FAM217B: variants seen among roughly 807,000 people sequenced by gnomAD.
FAM217B encodes the protein protein FAM217B.
For missense variants in FAM217B, 463 were observed against 456.9 expected, an observed-to-expected ratio of 1.01 and a Z score of -0.12; for synonymous variants, 163 against 173.0, an observed-to-expected ratio of 0.94 and a Z score of 0.45.
In FAM217B at chr20:59,944,078, A is replaced by C. The variant is rs763882521; in HGVS notation, c.135A>C (p.Glu45Asp). ...TCACAGCTGTCACCCAGCCTACTGA[A>C]GAAAAACTTAAAGAAAGCATTTCCC... Reference protein sequence around the residue: ...SSLTAVTQPTEEKLKESISPE... With the variant: ...SSLTAVTQPTDEKLKESISPE... Residue 45 changes from glutamate (E) to aspartate (D), a missense_variant, in exon 4 of 4, where the codon GAA becomes GAC. Transcript: ENST00000360816. 6.2e-7 allele frequency: 1 copy of C among 1,614,224 alleles called. No homozygotes were observed. Among genetic ancestry groups the C allele is most frequent in the East Asian group, 2.2e-5 (1 of 44,886 alleles).
Position 59,948,240 on chromosome 20 carries a change from G to C in FAM217B, c.*3145G>C, listed in dbSNP as rs1423705093. ...ACTTGTAACTAACTTGAATAGGATA[G>C]ACTTCATACCCTGTGACAAAAAGGA... On this transcript the variant is annotated 3_prime_UTR_variant, in exon 4 of 4. Coordinates refer to ENST00000360816, the MANE Select transcript of FAM217B (RefSeq NM_022106.3). The C allele has an allele frequency of 6.0e-6, 1 of 167,022 alleles. No individual in the cohort carries two copies. Among genetic ancestry groups the C allele is most frequent in the Non-Finnish European group, 1.5e-5 (1 of 68,114 alleles). The allele number at this position is 167,022 out of a possible 1,614,324, so 10.3% of individuals were successfully genotyped here.
In FAM217B at chr20:59,945,040, G is replaced by C. The variant is rs200991373; in HGVS notation, c.1097G>C (p.Ser366Thr). The change falls in exon 4 of 4, where the codon AGT (serine) becomes ACT (threonine). Residue 366 changes from serine to threonine, a missense_variant. By Grantham distance (58) the Ser-to-Thr change is moderately conservative (BLOSUM62 1). Coordinates refer to ENST00000360816, the MANE Select transcript of FAM217B (RefSeq NM_022106.3). ...AGCTGTGGTCATGCCACTGTATCGA[G>C]TGAGAAAAAACTGAAAACAAACGGA... ...AESCGHATVS[S>T]EKKLKTNGVK... is the part of the protein sequence containing the mutation. 4.4e-6 allele frequency: 7 copies of C among 1,605,262 alleles called. No individual in the cohort carries two copies. In the East Asian group the frequency reaches 1.3e-4, roughly 31 times the overall value.
intron 1 of FAM217B, among the ~76,000 whole-genome samples, chr20:59,934,016 G>A (rs1468803949): frequency 2.0e-5 from 3 of 152,122 alleles, no homozygotes; most frequent in Non-Finnish European, 2.9e-5. Context: ...TGGAAGGGAC[G>A]GAAGCGCGGG....
chr20:59,941,577 A>T lies in FAM217B; in HGVS notation c.-202-621A>T, dbSNP rs117106821. 5.4e-3 allele frequency among the ~76,000 whole-genome samples: 816 copies of T among 152,018 alleles called. 5 individuals are homozygous for T. Among genetic ancestry groups the T allele is most frequent in the Admixed American group, 8.5e-3 (130 of 15,294 alleles). ...GGCCACTCAAAATGAGAGGGGAATAACAGCAATATGTGGTATAGGTCAACA... is the reference window on the plus strand; with the variant it reads ...GGCCACTCAAAATGAGAGGGGAATATCAGCAATATGTGGTATAGGTCAACA... On this transcript the variant is annotated intron_variant, in intron 1 of 3. Coordinates refer to ENST00000360816, the MANE Select transcript of FAM217B (RefSeq NM_022106.3).
At chr20:59,936,309 G>A (rs886863414), upstream of FAM217B, among the ~76,000 whole-genome samples, 1 of 152,106 alleles carries the variant, frequency 6.6e-6, no homozygotes, top group Admixed American at 6.5e-5. Flanking sequence ...TTTATTTTCA[G>A]CTAAGAAAAA....
At chr20:59,939,252 G>T (rs1290691086), upstream of FAM217B, 6 of 1,611,806 alleles carry the variant, frequency 3.7e-6, no homozygotes, top group East Asian at 1.1e-4. Flanking sequence ...CTCGGGGCCT[G>T]CGGGCCCGCG....
upstream of FAM217B, chr20:59,937,449 T>A (rs1186600922): frequency 1.3e-5 from 2 of 152,506 alleles, no homozygotes; most frequent in Non-Finnish European, 2.9e-5. Flanking sequence ...AAGAAAGCTA[T>A]CCTTGTTCTT....
intron 1 of FAM217B, among the ~76,000 whole-genome samples, chr20:59,941,216 G>C (rs947012602): frequency 6.6e-6 from 1 of 152,206 alleles, no homozygotes; most frequent in African/African-American, 2.4e-5. Context: ...GCAGTTTGGG[G>C]CCAGCCATTC....
At chr20:59,935,632 G>A (rs34213830), upstream of FAM217B, among the ~76,000 whole-genome samples, 256 of 152,334 alleles carry the variant, frequency 1.7e-3, 4 homozygotes, top group Non-Finnish European at 2.9e-3. Flanking sequence ...CAGGCGTGGT[G>A]GCATGTGCCT....
At chr20:59,940,605 C>T (rs977745400) in intron 1 of FAM217B, 70 bp downstream of exon 1, 6 of 152,438 alleles carry the variant, frequency 3.9e-5, no homozygotes, top group African/African-American at 1.4e-4. Context: ...TCTGCACAAA[C>T]GGAGGACAAG....
chr20:59,942,929 A>G (rs1223388985), intron 3 of FAM217B, among the ~76,000 whole-genome samples: 1 of 152,208 alleles, frequency 6.6e-6, no homozygotes, highest in Non-Finnish European at 1.5e-5. Flanking sequence ...ACTATTGGCA[A>G]TGATTTAATG....
chr20:59,944,528 T>A lies in FAM217B; in HGVS notation c.585T>A (p.Thr195=). Residue 195 remains threonine (T), a synonymous_variant, in exon 4 of 4, where the codon ACT becomes ACA. Transcript: ENST00000360816. The stretch of plus-strand genomic sequence containing the variant: ...AGCTTGAGTGGCTGCAAGTCCAGAC[T>A]GTACAGTGTGAAAAAGCAAAGGGGG... The part of the protein sequence containing the change: ...LIQLEWLQVQ[T]VQCEKAKGGK... 3.1e-6 allele frequency: 5 copies of A among 1,613,886 alleles called. No homozygotes were observed. Among genetic ancestry groups the A allele is most frequent in the Non-Finnish European group, 4.2e-6 (5 of 1,179,988 alleles).
At chr20:59,935,376 A>G (rs1353224846) in intron 1 of FAM217B, among the ~76,000 whole-genome samples, 1 of 152,218 alleles carries the variant, frequency 6.6e-6, no homozygotes, top group African/African-American at 2.4e-5. Flanking sequence ...TCCGTAAACT[A>G]CAACATGGAA....
At chr20:59,940,665 G>T in intron 1 of FAM217B, 130 bp downstream of exon 1, 1 of 152,560 alleles carries the variant, frequency 6.6e-6, no homozygotes, top group Non-Finnish European at 1.5e-5. Flanking sequence ...GATGGGGGGA[G>T]CGGTGGTGCA....
In FAM217B at chr20:59,944,894, G is replaced by A; in HGVS notation, c.951G>A (p.Val317=). The part of the protein sequence containing the change: ...DLSGSGSSSK[V]ETSGHIRVPK... The stretch of plus-strand genomic sequence containing the variant: ...CCGGCAGTGGAAGCAGCTCTAAGGT[G>A]GAAACCAGCGGTCACATTCGAGTTC... Residue 317 remains valine (V), a synonymous_variant, in exon 4 of 4, where the codon GTG becomes GTA. Coordinates refer to ENST00000360816, the MANE Select transcript of FAM217B (RefSeq NM_022106.3). 6.2e-7 allele frequency: 1 copy of A among 1,614,152 alleles called. No individual in the cohort carries two copies. Among genetic ancestry groups the A allele is most frequent in the Non-Finnish European group, 8.5e-7 (1 of 1,180,026 alleles).
upstream of FAM217B, chr20:59,939,787 G>A (rs1160278335): frequency 2.4e-6 from 3 of 1,226,288 alleles, no homozygotes; most frequent in Non-Finnish European, 3.0e-6. Context: ...GGCGGCGCGC[G>A]GCCCGGGCTC....
intron 1 of FAM217B, 121 bp downstream of exon 1, chr20:59,940,656 A>T (rs985324319): frequency 6.6e-6 from 1 of 152,368 alleles, no homozygotes; most frequent in Non-Finnish European, 1.5e-5. Flanking sequence ...TGGGTTGTGG[A>T]TGGGGGGAGC....
At chr20:59,934,664 T>G (rs6027206) in intron 1 of FAM217B, among the ~76,000 whole-genome samples, 3,196 of 152,312 alleles carry the variant, frequency 0.021, 114 homozygotes, top group African/African-American at 0.072. Context: ...AAAGTTGAAT[T>G]GTATGTGTAG....
At chr20:59,940,327 T>G, upstream of FAM217B, 2 of 161,156 alleles carry the variant, frequency 1.2e-5, no homozygotes, top group Non-Finnish European at 2.9e-5. Flanking sequence ...GGGTGCAACT[T>G]CCTAGCGAGC....
Sources: allele counts gnomAD v4.1 joint callset (sites outside exome capture counted in the v4.1 genomes callset), GRCh38; gene constraint gnomAD v4.1.1; transcripts MANE v1.5; gene names NCBI Gene and HGNC (gene_info 2026-07-23, HGNC 2026-07-21).